The following PTK2B variants were observed in gnomAD, a reference collection of about 807,000 sequenced individuals.
PTK2B encodes the protein protein-tyrosine kinase 2-beta.
Under a neutral mutation model 142.9 loss-of-function variants are expected in PTK2B, and 71 were observed. The ratio of observed to expected loss-of-function variants is 0.50; its 90% CI spans 0.41 to 0.61. PTK2B has a LOEUF of 0.61. Ranked by LOEUF, PTK2B falls within the 20% of genes least tolerant of loss-of-function variation. The probability of loss-of-function intolerance (pLI) is 0.00; values close to 1 mark genes in which losing one functional copy is unlikely to be tolerated. For missense variants in PTK2B, 1,105 were observed against 1,320.4 expected, an observed-to-expected ratio of 0.84 and a Z score of 2.53; for synonymous variants, 519 against 503.4, an observed-to-expected ratio of 1.03 and a Z score of -0.42.
intron 1 of PTK2B, among the ~76,000 whole-genome samples, chr8:27,346,890 G>A (rs1211347167): frequency 6.6e-6 from 1 of 152,226 alleles, no homozygotes; most frequent in Admixed American, 6.5e-5. Context: ...ACTGCACTTG[G>A]CAATAGCCCA....
intron 1 of PTK2B, among the ~76,000 whole-genome samples, chr8:27,334,190 C>A (rs12056603): frequency 1.3e-5 from 2 of 152,018 alleles, no homozygotes; most frequent in Non-Finnish European, 2.9e-5. Flanking sequence ...CCTAATATTG[C>A]TTCATATTTT....
rs140337043 is a variant in PTK2B, at chr8:27,375,065, G to A, written c.-37-22483G>A. 2.0e-3 allele frequency among the ~76,000 whole-genome samples: 298 copies of A among 152,344 alleles called. 1 individual carries two copies. The highest frequency in any genetic ancestry group is 3.7e-3 in the Non-Finnish European group (250 of 68,038). On this transcript the variant is annotated intron_variant, in intron 1 of 30. Transcript: ENST00000346049. ...ATGATGGATTATAAAGTGGGGACTG[G>A]AACTCAAGGCTTTCCCACCATCCTG...
At position 27,389,135 on chromosome 8, in the gene PTK2B, G is replaced by A. The variant is rs149995346; in HGVS notation, c.-37-8413G>A. On this transcript the variant is annotated intron_variant, in intron 1 of 30. Transcript: ENST00000346049. ...TGGCTGTTTTTGTGTGTTTTGTTCC[G>A]TTTTATCTTTTTTCTTTTTACTGGA... Among the ~76,000 whole-genome samples, 109 of 152,078 alleles carry A rather than the reference G, an allele frequency of 7.2e-4. 1 individual carries two copies. The highest frequency in any genetic ancestry group is 7.6e-4 in the Non-Finnish European group (52 of 68,010).
At chr8:27,434,194 A>G in intron 12 of PTK2B, 62 bp downstream of exon 12, 1 of 1,573,416 alleles carries the variant, frequency 6.4e-7, no homozygotes, top group South Asian at 1.1e-5. Context: ...TGAGAGGAAT[A>G]AGAATAAACT....
chr8:27,429,612 C>T (rs1475284062), intron 5 of PTK2B, among the ~76,000 whole-genome samples: 1 of 152,148 alleles, frequency 6.6e-6, no homozygotes, highest in Non-Finnish European at 1.5e-5. Flanking sequence ...TTCTGTAAGT[C>T]CTAAAGTTTG....
chr8:27,386,200 G>A (rs937674704), intron 1 of PTK2B, among the ~76,000 whole-genome samples: 6 of 151,954 alleles, frequency 3.9e-5, no homozygotes, highest in Non-Finnish European at 5.9e-5. Flanking sequence ...CTAGTGCTCC[G>A]ACTTCCCCCT....
intron 1 of PTK2B, among the ~76,000 whole-genome samples, chr8:27,393,676 G>C (rs1335049529): frequency 2.0e-5 from 3 of 152,086 alleles, no homozygotes; most frequent in Admixed American, 6.6e-5. Flanking sequence ...TTTCTTAATA[G>C]ACTATTTTTA....
At chr8:27,435,829 A>C in intron 14 of PTK2B, 36 bp downstream of exon 14, 1 of 1,602,458 alleles carries the variant, frequency 6.2e-7, no homozygotes, top group Non-Finnish European at 8.6e-7. Context: ...ACCGTAGTCA[A>C]GGCCCTGTGA....
intron 2 of PTK2B, among the ~76,000 whole-genome samples, chr8:27,399,160 A>G (rs1356643334): frequency 6.6e-6 from 1 of 152,222 alleles, no homozygotes; most frequent in Non-Finnish European, 1.5e-5. Flanking sequence ...AATTTTCAGA[A>G]GTTAACCTGA....
chr8:27,453,408 G>A (rs1811944527), intron 28 of PTK2B, among the ~76,000 whole-genome samples: 1 of 152,196 alleles, frequency 6.6e-6, no homozygotes, highest in African/African-American at 2.4e-5. Context: ...TTGGAGTAGA[G>A]CTCCCTGGTC....
intron 30 of PTK2B, 91 bp downstream of exon 30, chr8:27,454,702 CCT>C: frequency 3.7e-6 from 5 of 1,349,884 alleles, no homozygotes; most frequent in Non-Finnish European, 5.2e-6. Context: ...GCCTGGGCAA[CCT>C]CATGTCTGTC....
intron 2 of PTK2B, among the ~76,000 whole-genome samples, chr8:27,418,495 A>T (rs956538019): frequency 7.9e-5 from 12 of 152,218 alleles, no homozygotes; most frequent in African/African-American, 2.7e-4. Context: ...ATGTTAAGAA[A>T]ATGTAAAATC....
In PTK2B at chr8:27,432,640, A is replaced by G. The variant is rs1277802620; in HGVS notation, c.987+279A>G. Among the ~76,000 whole-genome samples, 6 of 152,204 alleles carry G rather than the reference A, an allele frequency of 3.9e-5. No individual in the cohort carries two copies. The East Asian group carries it at 1.2e-3, about 29-fold the overall frequency. On this transcript the variant is annotated intron_variant, in intron 10 of 30. Coordinates refer to ENST00000346049, the MANE Select transcript of PTK2B (RefSeq NM_173176.3). ...TGTTCAAGGTGACCAGAAATCAGGTATAAATCACAGGCCTAAGTTATACCA... is the reference window on the plus strand; with the variant it reads ...TGTTCAAGGTGACCAGAAATCAGGTGTAAATCACAGGCCTAAGTTATACCA...
chr8:27,311,119 G>A (rs1423880309), upstream of PTK2B: 8 of 1,600,924 alleles, frequency 5.0e-6, no homozygotes, highest in Non-Finnish European at 6.8e-6. Flanking sequence ...CGCGGCAGAA[G>A]TTGTGGCCGC....
intron 2 of PTK2B, among the ~76,000 whole-genome samples, chr8:27,407,530 T>A (rs1808797308): frequency 6.6e-6 from 1 of 152,154 alleles, no homozygotes; most frequent in South Asian, 2.1e-4. Context: ...ACAAAGGGCC[T>A]CAGATCCCTT....
upstream of PTK2B, chr8:27,310,884 G>C: frequency 1.2e-6 from 2 of 1,612,986 alleles, no homozygotes; most frequent in East Asian, 2.2e-5. Context: ...CAGCACAGCA[G>C]CTCCTTGTCC....
intron 1 of PTK2B, among the ~76,000 whole-genome samples, chr8:27,340,347 A>G (rs1210912013): frequency 1.3e-5 from 2 of 152,202 alleles, no homozygotes; most frequent in African/African-American, 4.8e-5. Context: ...TGTGCCAGGC[A>G]AAGGGTGGTT....
intron 5 of PTK2B, among the ~76,000 whole-genome samples, chr8:27,425,651 A>G (rs1047842796): frequency 3.9e-5 from 6 of 152,292 alleles, no homozygotes; most frequent in African/African-American, 1.4e-4. Flanking sequence ...TGTAGTTTAC[A>G]TTAGGGTTCA....
At chr8:27,444,768 T>G (rs1403421713) in intron 23 of PTK2B, among the ~76,000 whole-genome samples, 2 of 152,218 alleles carry the variant, frequency 1.3e-5, no homozygotes, top group East Asian at 3.9e-4. Flanking sequence ...GTCTCTGTTC[T>G]GTGTCTCTCT....
Sources: gnomAD v4.1 joint callset for allele counts (sites outside exome capture counted in the v4.1 genomes callset) on GRCh38, gnomAD v4.1.1 for gene constraint, MANE v1.5 for transcripts, NCBI Gene and HGNC (gene_info 2026-07-23, HGNC 2026-07-21) for gene names.